CDKAL1: variants seen among roughly 807,000 people sequenced by gnomAD.
CDKAL1 encodes threonylcarbamoyladenosine tRNA methylthiotransferase.
CDKAL1 carries 32 observed loss-of-function variants against 68.2 expected under a neutral mutation model. The ratio of observed to expected loss-of-function variants is 0.47; its 90% CI spans 0.35 to 0.63. The LOEUF (loss-of-function observed/expected upper bound fraction) is 0.63, where lower values mean the gene tolerates loss of function less well. Ranked by LOEUF, CDKAL1 falls within the 30% of genes least tolerant of loss-of-function variation. The probability of loss-of-function intolerance (pLI) is 0.00; values close to 1 mark genes in which losing one functional copy is unlikely to be tolerated. For missense variants in CDKAL1, 606 were observed against 696.7 expected (o/e 0.87, Z 1.47); for synonymous variants, 234 against 244.3 (o/e 0.96, Z 0.39).
rs117529942 is a variant in CDKAL1 at position 21,184,239 on chromosome 6, G to A, written c.1300-13782G>A. Reference sequence around the variant, plus strand: ...AGGTGGAGTCTCGCTCTGTGTCCCAGGCTGGAGTGCAATGGCACGACCTCG... The same window carrying A: ...AGGTGGAGTCTCGCTCTGTGTCCCAAGCTGGAGTGCAATGGCACGACCTCG... On this transcript the variant is annotated intron_variant, in intron 13 of 15. Coordinates refer to ENST00000274695, the MANE Select transcript of CDKAL1 (RefSeq NM_017774.3). Among the ~76,000 whole-genome samples, 1,462 of 150,304 alleles carry A rather than the reference G, an allele frequency of 9.7e-3. 112 individuals carry two copies. The East Asian group carries it at 0.2, about 20-fold the overall frequency.
chr6:20,555,959 G>C (rs551662688), intron 4 of CDKAL1, among the ~76,000 whole-genome samples: 1 of 152,136 alleles, frequency 6.6e-6, no homozygotes, highest in East Asian at 1.9e-4. Context: ...CTTATTAGAA[G>C]CCTTTCTCGT....
At chr6:20,811,460 T>G (rs9465901) in intron 8 of CDKAL1, among the ~76,000 whole-genome samples, 225 of 152,326 alleles carry the variant, frequency 1.5e-3, no homozygotes, top group African/African-American at 5.1e-3. Flanking sequence ...ATTTTTTTCT[T>G]TCTTCGTTTT....
At chr6:20,622,023 T>C (rs6915936) in intron 4 of CDKAL1, among the ~76,000 whole-genome samples, 144,178 of 152,208 alleles carry the variant, frequency 0.95, 68,357 homozygotes, top group East Asian at 1. Flanking sequence ...TATAAAAATA[T>C]TTCTATATGT....
intron 4 of CDKAL1, among the ~76,000 whole-genome samples, chr6:20,611,639 T>C (rs1766621003): frequency 6.6e-6 from 1 of 152,178 alleles, no homozygotes; most frequent in Non-Finnish European, 1.5e-5. Context: ...ATGTTACATA[T>C]TTGTGGGTAC....
At chr6:20,878,926 A>G (rs1048524407) in intron 9 of CDKAL1, among the ~76,000 whole-genome samples, 1 of 150,312 alleles carries the variant, frequency 6.7e-6, no homozygotes, top group Non-Finnish European at 1.5e-5. Flanking sequence ...TAAAAATACA[A>G]AAATTAGTCA....
At chr6:20,759,306 C>G (rs545786243) in intron 7 of CDKAL1, among the ~76,000 whole-genome samples, 32 of 152,184 alleles carry the variant, frequency 2.1e-4, no homozygotes, top group African/African-American at 7.5e-4. Context: ...CTTTGGGAGA[C>G]TGAGGTAGTT....
chr6:20,542,733 T>C (rs1426742535), intron 2 of CDKAL1, among the ~76,000 whole-genome samples: 1 of 152,216 alleles, frequency 6.6e-6, no homozygotes, highest in Non-Finnish European at 1.5e-5. Context: ...ACCAGGATAT[T>C]GACATTGATA....
At chr6:20,883,528 G>A (rs939818957) in intron 9 of CDKAL1, among the ~76,000 whole-genome samples, 1 of 152,156 alleles carries the variant, frequency 6.6e-6, no homozygotes, top group African/African-American at 2.4e-5. Flanking sequence ...GAATGACTGC[G>A]CAACCGAATG....
At chr6:20,999,530 ATCTCTTCTT>A (rs1380798847) in intron 10 of CDKAL1, among the ~76,000 whole-genome samples, 1 of 151,926 alleles carries the variant, frequency 6.6e-6, no homozygotes, top group Admixed American at 6.6e-5. Flanking sequence ...CTTAATCTTC[ATCTCTTCTT>A]TCTCTTCTTT....
chr6:21,114,023 C>A (rs1364530971), intron 13 of CDKAL1, among the ~76,000 whole-genome samples: 3 of 151,586 alleles, frequency 2.0e-5, no homozygotes, highest in Non-Finnish European at 4.4e-5. Context: ...CCGAGGCGGG[C>A]AGATCACGAG....
At chr6:20,840,594 T>G (rs993318985) in intron 8 of CDKAL1, among the ~76,000 whole-genome samples, 1 of 152,154 alleles carries the variant, frequency 6.6e-6, no homozygotes, top group African/African-American at 2.4e-5. Flanking sequence ...CAAGAGGAGT[T>G]TTGGGCACAG....
intron 5 of CDKAL1, among the ~76,000 whole-genome samples, chr6:20,687,564 A>G (rs1264402689): frequency 6.6e-6 from 1 of 150,698 alleles, no homozygotes; most frequent in Non-Finnish European, 1.5e-5. Flanking sequence ...TTGTTTTTTG[A>G]GGTGGGGTCT....
At chr6:21,017,884 T>A (rs1674532979) in intron 11 of CDKAL1, among the ~76,000 whole-genome samples, 1 of 151,346 alleles carries the variant, frequency 6.6e-6, no homozygotes, top group Admixed American at 6.6e-5. Flanking sequence ...TTAATTTAAT[T>A]CCTCCATTTC....
chr6:20,727,529 G>C (rs959666086), intron 5 of CDKAL1, among the ~76,000 whole-genome samples: 2 of 152,116 alleles, frequency 1.3e-5, no homozygotes, highest in African/African-American at 4.8e-5. Context: ...ACTAAAAAGG[G>C]TACAGTAAAT....
At chr6:20,973,078 C>CAAAAA (rs34479545) in intron 10 of CDKAL1, among the ~76,000 whole-genome samples, 1 of 136,240 alleles carries the variant, frequency 7.3e-6, no homozygotes. Flanking sequence ...AACTCCGTCT[C>CAAAAA]AAAAAAAAAA....
chr6:21,145,869 A>C (rs776960479), intron 13 of CDKAL1, among the ~76,000 whole-genome samples: 3 of 152,214 alleles, frequency 2.0e-5, no homozygotes, highest in Non-Finnish European at 4.4e-5. Context: ...CACTGCATTC[A>C]GCCTGGGCTG....
intron 9 of CDKAL1, among the ~76,000 whole-genome samples, chr6:20,904,297 AG>A (rs974826640): frequency 3.3e-5 from 5 of 152,144 alleles, no homozygotes; most frequent in African/African-American, 9.7e-5. Flanking sequence ...ACACTTTGGG[AG>A]GCCAAGGTGG....
At chr6:20,811,979 T>C (rs757138948) in intron 8 of CDKAL1, among the ~76,000 whole-genome samples, 3 of 152,176 alleles carry the variant, frequency 2.0e-5, no homozygotes, top group Non-Finnish European at 4.4e-5. Flanking sequence ...AATCAGGGTA[T>C]AGGCCAGATT....
At chr6:21,020,317 C>T (rs544795526) in intron 11 of CDKAL1, among the ~76,000 whole-genome samples, 2 of 152,106 alleles carry the variant, frequency 1.3e-5, no homozygotes, top group Admixed American at 6.6e-5. Context: ...GGCTTGTTCA[C>T]TCACAATGTT....
Sources: gnomAD v4.1 joint callset for allele counts (sites outside exome capture counted in the v4.1 genomes callset) on GRCh38, gnomAD v4.1.1 for gene constraint, MANE v1.5 for transcripts, NCBI Gene and HGNC (gene_info 2026-07-23, HGNC 2026-07-21) for gene names.